Variants in WWOX observed in about 807,000 individuals in gnomAD.
The protein encoded by WWOX is WW domain-containing oxidoreductase.
Under a neutral mutation model 46.2 loss-of-function variants are expected in WWOX, and 69 were observed. That is an observed-to-expected ratio of 1.49 (90% CI 1.23 to 1.82). The LOEUF (loss-of-function observed/expected upper bound fraction) is 1.82. Ranked by LOEUF, WWOX falls within the 40% of genes most tolerant of loss-of-function variation. WWOX has a pLI of 0.00. For synonymous variants in WWOX, 359 were observed against 202.6 expected, an observed-to-expected ratio of 1.77 and a Z score of -6.56; for missense variants, 919 against 542.6, an observed-to-expected ratio of 1.69 and a Z score of -6.89.
At chr16:78,199,329 AAACAAACAAACAAACT>A (rs1235611875) in intron 5 of WWOX, among the ~76,000 whole-genome samples, 2 of 151,932 alleles carry the variant, frequency 1.3e-5, no homozygotes, top group African/African-American at 2.4e-5. Flanking sequence ...ACAAACAAAC[AAACAAACAAACAAACT>A]AAGAACAACA....
chr16:78,548,447 C>A (rs570175610), intron 8 of WWOX, among the ~76,000 whole-genome samples: 1 of 152,202 alleles, frequency 6.6e-6, no homozygotes, highest in East Asian at 1.9e-4. Context: ...AATCTAAAGA[C>A]ATCCTATCCC....
intron 4 of WWOX, among the ~76,000 whole-genome samples, chr16:78,144,464 C>CGTAT (rs1567596338): frequency 3.9e-4 from 7 of 17,956 alleles, no homozygotes; most frequent in East Asian, 3.0e-3. Flanking sequence ...TATATATATA[C>CGTAT]ACACATATAT....
At chr16:78,668,264 G>C (rs117297805) in intron 8 of WWOX, among the ~76,000 whole-genome samples, 4,667 of 152,226 alleles carry the variant, frequency 0.031, 94 homozygotes, top group Non-Finnish European at 0.048. Context: ...CTGTGTGACA[G>C]AGCAAGACTT....
rs907658629 is a variant in WWOX, at chr16:78,266,279, A to C, written c.516+101990A>C. Among the ~76,000 whole-genome samples the C allele has an allele frequency of 2.0e-5, 3 of 152,378 alleles. No homozygotes were observed. In the South Asian group the frequency reaches 6.2e-4, roughly 32 times the overall value. On this transcript the variant is annotated intron_variant, in intron 5 of 8. Transcript: ENST00000566780. ...TTTCAGTGTTCATAACTAAATTTTA[A>C]AAACTTTTATTGAAATTCCAGAGAG... is the stretch of plus-strand genomic sequence containing the variant.
intron 8 of WWOX, among the ~76,000 whole-genome samples, chr16:78,746,323 C>G (rs923137217): frequency 6.6e-6 from 1 of 152,080 alleles, no homozygotes; most frequent in African/African-American, 2.4e-5. Context: ...TATAGCAAGA[C>G]ATTGCCTGTA....
chr16:79,172,506 T>A (rs1331601498), intron 8 of WWOX, among the ~76,000 whole-genome samples: 1 of 152,094 alleles, frequency 6.6e-6, no homozygotes, highest in African/African-American at 2.4e-5. Context: ...AGGCCCTACA[T>A]AAATGTTTGC....
At chr16:78,506,440 C>G (rs62036411) in intron 8 of WWOX, 23,544 of 152,158 alleles carry the variant, frequency 0.15, 1,970 homozygotes, top group Non-Finnish European at 0.18. Context: ...TTGACTCCCT[C>G]CACCCCCGGA....
intron 6 of WWOX, among the ~76,000 whole-genome samples, chr16:78,406,297 AATATAAATATATATATATATATATAT>A (rs1402157499): frequency 5.4e-4 from 40 of 74,062 alleles, no homozygotes; most frequent in African/African-American, 1.0e-3. Context: ...ACAGCATATA[AATATAAATATATATATATATATATAT>A]ATATATATAT....
rs536259428 is a variant in WWOX, at chr16:78,311,361, G to T, written c.517-75499G>T. Among the ~76,000 whole-genome samples the T allele has an allele frequency of 3.5e-4, 53 of 152,324 alleles. No homozygotes were observed. The South Asian group carries it at 0.01, about 29-fold the overall frequency. On this transcript the variant is annotated intron_variant, in intron 5 of 8. Transcript: ENST00000566780. The stretch of plus-strand genomic sequence containing the variant: ...AACAGAGTCAAGCTTGGAGAATTCA[G>T]TTCCTACCACAAGGTCCGGAATGGA...
At chr16:78,564,295 A>G (rs1385351559) in intron 8 of WWOX, among the ~76,000 whole-genome samples, 2 of 152,240 alleles carry the variant, frequency 1.3e-5, no homozygotes, top group East Asian at 3.8e-4. Context: ...TAAAGAAGTA[A>G]AATGTGTAGT....
rs371448205 is a variant in WWOX at position 78,187,301 on chromosome 16, G to A, written c.516+23012G>A. 5.1e-4 allele frequency among the ~76,000 whole-genome samples: 77 copies of A among 152,232 alleles called. 1 individual carries two copies. Among genetic ancestry groups the A allele is most frequent in the African/African-American group, 1.8e-3 (74 of 41,550 alleles). The stretch of plus-strand genomic sequence containing the variant: ...TGCCAGGTGGGCACAAAGAAAAGAG[G>A]ACTGCACTCAAGGAACTTAGTCTTT... On this transcript the variant is annotated intron_variant, in intron 5 of 8. Transcript: ENST00000566780.
chr16:78,635,772 G>A (rs1263641809), intron 8 of WWOX, among the ~76,000 whole-genome samples: 2 of 152,168 alleles, frequency 1.3e-5, no homozygotes, highest in African/African-American at 4.8e-5. Flanking sequence ...TTTTGCCCTT[G>A]AGCTGGATGT....
chr16:78,640,263 C>T (rs1347778988), intron 8 of WWOX, among the ~76,000 whole-genome samples: 5 of 105,684 alleles, frequency 4.7e-5, no homozygotes, highest in Non-Finnish European at 5.2e-5. Context: ...TTGGCTTTTG[C>T]GCCTATGGTG....
At chr16:78,905,411 C>T (rs1009343956) in intron 8 of WWOX, among the ~76,000 whole-genome samples, 14 of 152,174 alleles carry the variant, frequency 9.2e-5, no homozygotes, top group African/African-American at 2.9e-4. Context: ...GACAGGCTTT[C>T]ACTCTGTCAG....
At chr16:78,967,868 T>C (rs948721796) in intron 8 of WWOX, among the ~76,000 whole-genome samples, 2 of 152,126 alleles carry the variant, frequency 1.3e-5, no homozygotes. Flanking sequence ...TGTTGCAGCC[T>C]CCGGGGCCAC....
chr16:78,485,541 A>G (rs1264843242), intron 8 of WWOX, among the ~76,000 whole-genome samples: 2 of 152,112 alleles, frequency 1.3e-5, no homozygotes, highest in Non-Finnish European at 1.5e-5. Flanking sequence ...ACGTTATTCC[A>G]CAACATACTA....
At chr16:78,828,149 G>T (rs186774751) in intron 8 of WWOX, among the ~76,000 whole-genome samples, 87 of 152,314 alleles carry the variant, frequency 5.7e-4, no homozygotes, top group Admixed American at 5.7e-3. Context: ...CAGTAGGAAT[G>T]AGAGAGGCCA....
intron 8 of WWOX, among the ~76,000 whole-genome samples, chr16:78,610,977 A>AAACAAC (rs879868890): frequency 6.6e-6 from 1 of 152,142 alleles, no homozygotes; most frequent in South Asian, 2.1e-4. Context: ...AAAACAACAA[A>AAACAAC]AACAACAACA....
At chr16:78,808,846 C>T (rs1567574705) in intron 8 of WWOX, among the ~76,000 whole-genome samples, 1 of 152,192 alleles carries the variant, frequency 6.6e-6, no homozygotes, top group Non-Finnish European at 1.5e-5. Flanking sequence ...ACCTCTACGG[C>T]TGCCCCTCAT....
Sources: allele counts gnomAD v4.1 joint callset (sites outside exome capture counted in the v4.1 genomes callset), GRCh38; gene constraint gnomAD v4.1.1; transcripts MANE v1.5; gene names NCBI Gene and HGNC (gene_info 2026-07-23, HGNC 2026-07-21).